The following NEK9 variants were observed in gnomAD, a reference collection of about 807,000 sequenced individuals.
NEK9 encodes the protein NIMA related kinase 9.
NEK9 carries 75 observed loss-of-function variants against 123.4 expected under a neutral mutation model. The observed-to-expected ratio is 0.61, with a 90% CI of 0.50 to 0.74. The LOEUF (loss-of-function observed/expected upper bound fraction) is 0.74, where lower values mean the gene tolerates loss of function less well. NEK9 is among the 30% of genes least tolerant of loss of function. The pLI, the probability that NEK9 is intolerant of heterozygous loss-of-function variation, is 0.00. For missense variants in NEK9, 952 were observed against 1,214.4 expected (o/e 0.78, Z 3.21); for synonymous variants, 438 against 458.7 (o/e 0.95, Z 0.58).
Position 75,117,309 on chromosome 14 carries a change from A to G in NEK9, c.648T>C (p.Tyr216=). ...CTTGACAGAGCTCTGGAGACATGTA[A>G]TATGGGGTTCCCACAAGCTGAGCAA... ...SMAETLVGTP[Y]YMSPELCQGV... The change falls in exon 6 of 22, where the codon TAT becomes TAC. Residue 216 remains tyrosine (Y), a synonymous_variant. Coordinates refer to ENST00000238616, the MANE Select transcript of NEK9 (RefSeq NM_033116.6). 1 of 1,610,706 alleles carries G rather than the reference A, an allele frequency of 6.2e-7. No individual in the cohort carries two copies. The highest frequency in any genetic ancestry group is 8.5e-7 in the Non-Finnish European group (1 of 1,179,072).
chr14:75,085,679 G>A (rs1893998554), intron 21 of NEK9, among the ~76,000 whole-genome samples: 1 of 152,204 alleles, frequency 6.6e-6, no homozygotes, highest in Non-Finnish European at 1.5e-5. Context: ...GGGACATTCT[G>A]TTGAACAACT....
intron 10 of NEK9, among the ~76,000 whole-genome samples, chr14:75,109,450 C>T (rs540089796): frequency 6.6e-6 from 1 of 152,102 alleles, no homozygotes; most frequent in Admixed American, 6.5e-5. Flanking sequence ...TTTTTCTCTC[C>T]CTCTCTCATT....
chr14:75,101,113 C>T lies in NEK9; in HGVS notation c.1881G>A (p.Gly627=), dbSNP rs756755135. ...RLLTFGCNKC[G]QLGVGNYKKR... The stretch of plus-strand genomic sequence containing the variant: ...TCTTGTAGTTCCCAACGCCCAGCTG[C>T]CCACACTTGTTGCAGCCAAAGGTCA... The change falls in exon 16 of 22, where the codon GGG becomes GGA. Residue 627 remains glycine (G), a synonymous_variant. Coordinates refer to ENST00000238616, the MANE Select transcript of NEK9 (RefSeq NM_033116.6). The T allele has an allele frequency of 2.1e-5, 34 of 1,614,224 alleles. No individual in the cohort carries two copies. The highest frequency in any genetic ancestry group is 2.9e-5 in the Non-Finnish European group (34 of 1,180,040).
chr14:75,112,968 C>T (rs1895006053), intron 8 of NEK9, among the ~76,000 whole-genome samples: 1 of 152,154 alleles, frequency 6.6e-6, no homozygotes, highest in Admixed American at 6.5e-5. Context: ...GAGGAGAAAG[C>T]CAAGAAATAA....
At chr14:75,099,346 G>T (rs1894486176) in intron 16 of NEK9, among the ~76,000 whole-genome samples, 1 of 151,824 alleles carries the variant, frequency 6.6e-6, no homozygotes, top group Non-Finnish European at 1.5e-5. Flanking sequence ...GAGAGAAAAT[G>T]AAATGTGAGT....
At position 75,118,947 on chromosome 14, in the gene NEK9, A is replaced by G; in HGVS notation, c.525-12T>C. ...ATGTCTTTATATCTCTGAAAAAAAA[A>G]GATGCTGCAAATTAAGTTCACACAG... On this transcript the variant is annotated splice_polypyrimidine_tract_variant and intron_variant, in intron 4 of 21. Transcript: ENST00000238616. 3 of 1,327,176 alleles carry G rather than the reference A, an allele frequency of 2.3e-6. No individual in the cohort carries two copies. Among genetic ancestry groups the G allele is most frequent in the Non-Finnish European group, 3.2e-6 (3 of 923,972 alleles). 82.2% of individuals were successfully genotyped at this position (1,327,176 alleles called of 1,614,324 possible).
chr14:75,127,058 C>T (rs1895566502), upstream of NEK9: 21 of 644,982 alleles, frequency 3.3e-5, 1 homozygote, highest in South Asian at 4.2e-4. Flanking sequence ...TGGCTCCTGC[C>T]CCCCGACCCG....
intron 6 of NEK9, 38 bp downstream of exon 6, chr14:75,117,157 C>T (rs369140986): frequency 4.5e-5 from 72 of 1,596,662 alleles, no homozygotes; most frequent in Non-Finnish European, 6.0e-5. Context: ...CCATTTGCAA[C>T]CTGCTAAATG....
intron 16 of NEK9, among the ~76,000 whole-genome samples, 178 bp downstream of exon 16, chr14:75,100,814 T>G (rs1402449462): frequency 6.6e-6 from 1 of 152,252 alleles, no homozygotes; most frequent in African/African-American, 2.4e-5. Flanking sequence ...ACAATCACTA[T>G]GTTGAACACA....
chr14:75,089,264 T>C (rs1272362601), intron 19 of NEK9, among the ~76,000 whole-genome samples: 1 of 152,074 alleles, frequency 6.6e-6, no homozygotes. Flanking sequence ...AATCTCACTC[T>C]GTCACCAGGC....
At chr14:75,090,011 T>C (rs1174070011) in intron 19 of NEK9, among the ~76,000 whole-genome samples, 2 of 152,280 alleles carry the variant, frequency 1.3e-5, no homozygotes, top group East Asian at 3.9e-4. Context: ...TTTGTATTTT[T>C]AGTAGAGATG....
intron 18 of NEK9, among the ~76,000 whole-genome samples, chr14:75,092,169 G>A (rs1390378362): frequency 3.3e-5 from 5 of 151,550 alleles, no homozygotes; most frequent in Admixed American, 1.3e-4. Flanking sequence ...TAGTAGAGGC[G>A]GGGTTTCACT....
intron 12 of NEK9, 118 bp from the exon 13 acceptor site, chr14:75,106,114 G>A (rs1053273127): frequency 3.5e-6 from 3 of 864,064 alleles, no homozygotes; most frequent in Non-Finnish European, 5.8e-6. Context: ...CCAGCACTTT[G>A]GGAGGCCGAG....
In NEK9 at chr14:75,080,814, G is replaced by C. The variant is rs1327947128; in HGVS notation, c.*3750C>G. 2.0e-5 allele frequency: 3 copies of C among 149,888 alleles called. No individual in the cohort carries two copies. The highest frequency in any genetic ancestry group is 4.9e-5 in the African/African-American group (2 of 40,536). The allele number at this position is 149,888 out of a possible 1,614,324, so 9.3% of individuals were successfully genotyped here. A position where few individuals can be genotyped will look rare whatever the true frequency, so the allele number is the denominator to read the frequency against. ...CACCACCACGCCCGGCTGATTTTTT[G>C]TATTTTTAGTAGAGATGGGGTTTCA... is the stretch of plus-strand genomic sequence containing the variant. On this transcript the variant is annotated 3_prime_UTR_variant, in exon 22 of 22. Coordinates refer to ENST00000238616, the MANE Select transcript of NEK9 (RefSeq NM_033116.6).
chr14:75,087,342 C>A (rs1284972763), intron 20 of NEK9, 112 bp from the exon 21 acceptor site: 6 of 697,170 alleles, frequency 8.6e-6, no homozygotes, highest in Non-Finnish European at 1.5e-5. Context: ...CAAGATAAAT[C>A]ATATATACAC....
intron 20 of NEK9, among the ~76,000 whole-genome samples, chr14:75,087,638 G>A (rs8020775): frequency 0.018 from 2,706 of 152,318 alleles, 89 homozygotes; most frequent in African/African-American, 0.063. Flanking sequence ...GAAAAGATCT[G>A]AGAGGTGGTC....
intron 8 of NEK9, 135 bp from the exon 9 acceptor site, chr14:75,110,506 A>C: frequency 1.5e-6 from 1 of 647,804 alleles, no homozygotes; most frequent in Non-Finnish European, 2.7e-6. Flanking sequence ...TACTTTTAGC[A>C]AAGTACCTCA....
At chr14:75,100,549 A>G (rs1000618655) in intron 16 of NEK9, among the ~76,000 whole-genome samples, 3 of 152,358 alleles carry the variant, frequency 2.0e-5, no homozygotes, top group East Asian at 1.9e-4. Flanking sequence ...TATAGCGGAA[A>G]GCAGCCCTTC....
At chr14:75,103,391 G>A (rs1894656343) in intron 14 of NEK9, among the ~76,000 whole-genome samples, 5 of 152,068 alleles carry the variant, frequency 3.3e-5, no homozygotes, top group African/African-American at 1.2e-4. Context: ...TAATTTGCTT[G>A]TTCCTATTTC....
Sources: gnomAD v4.1 joint callset for allele counts (sites outside exome capture counted in the v4.1 genomes callset) on GRCh38, gnomAD v4.1.1 for gene constraint, MANE v1.5 for transcripts, NCBI Gene and HGNC (gene_info 2026-07-23, HGNC 2026-07-21) for gene names.